Variants in CPNE4 observed in about 807,000 individuals in gnomAD.
CPNE4 encodes the protein copine-4.
A neutral mutation model predicts 67.9 loss-of-function variants in CPNE4; 25 were observed. The observed-to-expected ratio is 0.37, with a 90% CI of 0.27 to 0.51. The LOEUF (loss-of-function observed/expected upper bound fraction) is 0.51, where lower values mean the gene tolerates loss of function less well. Among genes scored for constraint, CPNE4 ranks in the 20% least tolerant of loss-of-function variants. The pLI, the probability that CPNE4 is intolerant of heterozygous loss-of-function variation, is 0.93. For synonymous variants in CPNE4, 242 were observed against 244.9 expected (o/e 0.99, Z 0.11); for missense variants, 464 against 690.8 (o/e 0.67, Z 3.68).
At position 131,604,706 on chromosome 3, in the gene CPNE4, C is replaced by T. The variant is rs150058834; in HGVS notation, c.682-17124G>A. On this transcript the variant is annotated intron_variant, in intron 7 of 15. Coordinates refer to ENST00000429747, the MANE Select transcript of CPNE4 (RefSeq NM_130808.3). The stretch of plus-strand genomic sequence containing the variant: ...GGACTGGCTCTCCTTGCTCCTCAGC[C>T]TGCAGATGGCTGTTGTGGGACCTTG... Among the ~76,000 whole-genome samples the T allele has an allele frequency of 2.6e-5, 4 of 152,182 alleles. No homozygotes were observed. In the South Asian group the frequency reaches 8.3e-4, roughly 32 times the overall value.
intron 2 of CPNE4, among the ~76,000 whole-genome samples, chr3:131,821,798 T>C (rs1197606637): frequency 6.6e-6 from 1 of 152,230 alleles, no homozygotes; most frequent in Non-Finnish European, 1.5e-5. Context: ...TGTAGTCTTA[T>C]GCTGTCCAAA....
chr3:131,637,247 A>C (rs1432685942), intron 7 of CPNE4, among the ~76,000 whole-genome samples: 1 of 152,242 alleles, frequency 6.6e-6, no homozygotes, highest in East Asian at 1.9e-4. Flanking sequence ...CTAATCAAGG[A>C]GGCACCAGAG....
At chr3:131,683,813 T>C (rs189573224) in intron 6 of CPNE4, among the ~76,000 whole-genome samples, 4 of 152,294 alleles carry the variant, frequency 2.6e-5, no homozygotes, top group African/African-American at 7.2e-5. Context: ...GTGGCAAAGA[T>C]TGCCAGAACT....
chr3:131,969,258 C>G (rs553448103), intron 1 of CPNE4, among the ~76,000 whole-genome samples: 4 of 151,678 alleles, frequency 2.6e-5, no homozygotes, highest in African/African-American at 7.3e-5. Context: ...CTAATGCATG[C>G]GGGTCTTAAA....
At chr3:131,718,998 TG>T (rs2081812924) in intron 3 of CPNE4, among the ~76,000 whole-genome samples, 1 of 152,120 alleles carries the variant, frequency 6.6e-6, no homozygotes. Context: ...CCCAAAAGTG[TG>T]GGAAAGGCCA....
chr3:131,895,842 G>C (rs1015808985), intron 2 of CPNE4, among the ~76,000 whole-genome samples: 1 of 152,016 alleles, frequency 6.6e-6, no homozygotes, highest in Non-Finnish European at 1.5e-5. Context: ...AATCAGATTG[G>C]AGAAGCTGAG....
chr3:131,798,635 GAT>G (rs5852648), intron 2 of CPNE4, among the ~76,000 whole-genome samples: 26,868 of 152,012 alleles, frequency 0.18, 2,561 homozygotes, highest in East Asian at 0.33. Flanking sequence ...AGTCTGATAT[GAT>G]AGTTTTTTGT....
chr3:131,754,578 A>T (rs1287259681), intron 2 of CPNE4, among the ~76,000 whole-genome samples: 1 of 152,202 alleles, frequency 6.6e-6, no homozygotes, highest in Admixed American at 6.5e-5. Flanking sequence ...GTTGGAATAG[A>T]TTCTGATTCT....
Position 132,034,819 on chromosome 3 carries a change from G to A in CPNE4, c.-254C>T. Reference sequence around the variant, plus strand: ...ACTCCATTCTCGGTGATGGGGGTGGGGGAAGAGGGTGAAAATGTTGGAGAT... The same window carrying A: ...ACTCCATTCTCGGTGATGGGGGTGGAGGAAGAGGGTGAAAATGTTGGAGAT... On this transcript the variant is annotated 5_prime_UTR_variant, in exon 1 of 16. Transcript: ENST00000429747. 1.0e-6 allele frequency: 1 copy of A among 985,654 alleles called. No individual in the cohort carries two copies. The highest frequency in any genetic ancestry group is 1.2e-6 in the Non-Finnish European group (1 of 830,150). The allele number at this position is 985,654 out of a possible 1,614,324, so 61.1% of individuals were successfully genotyped here.
intron 7 of CPNE4, among the ~76,000 whole-genome samples, chr3:131,664,278 C>A (rs1243096335): frequency 6.6e-6 from 1 of 152,164 alleles, no homozygotes; most frequent in Non-Finnish European, 1.5e-5. Flanking sequence ...TCTAAGAACA[C>A]TCTCTGGAAG....
intron 2 of CPNE4, among the ~76,000 whole-genome samples, chr3:131,855,455 T>C (rs1028359082): frequency 2.6e-5 from 4 of 151,980 alleles, no homozygotes; most frequent in African/African-American, 9.7e-5. Context: ...CAATAATTGT[T>C]CCATCTTTCA....
chr3:131,542,818 TG>T (rs10716194), intron 14 of CPNE4, 25 bp from the exon 15 acceptor site: 1,377,396 of 1,381,994 alleles, frequency 1, 686,411 homozygotes, highest in Middle Eastern at 1. Flanking sequence ...CCCATGATGA[TG>T]GGGGGGGGTG....
intron 2 of CPNE4, among the ~76,000 whole-genome samples, chr3:131,758,640 T>G (rs1583152313): frequency 6.6e-6 from 1 of 152,080 alleles, no homozygotes; most frequent in East Asian, 1.9e-4. Flanking sequence ...AGTGAGGACA[T>G]GAGATTTGGA....
intron 1 of CPNE4, among the ~76,000 whole-genome samples, chr3:131,916,496 T>C (rs2089189959): frequency 1.3e-5 from 2 of 152,230 alleles, no homozygotes; most frequent in African/African-American, 4.8e-5. Flanking sequence ...CTCTGTCTCC[T>C]TTAAGAATTG....
At chr3:131,648,744 T>C (rs1432574284) in intron 7 of CPNE4, among the ~76,000 whole-genome samples, 1 of 152,190 alleles carries the variant, frequency 6.6e-6, no homozygotes, top group East Asian at 1.9e-4. Flanking sequence ...ATTTGTAGAA[T>C]GAATGAGTGA....
At position 131,566,194 on chromosome 3, in the gene CPNE4, AC is replaced by A. The variant is rs145451362; in HGVS notation, c.928-1846del. On this transcript the variant is annotated intron_variant, in intron 10 of 15. Transcript: ENST00000429747. ...GGAGATTTGGCCTGGAGGTAGGGAG[AC>A]TTGCTAGGAGGCAACCATGGCAATT... 7.4e-3 allele frequency among the ~76,000 whole-genome samples: 1,118 copies of A among 152,004 alleles called. 11 individuals are homozygous for A. The highest frequency in any genetic ancestry group is 0.013 in the Non-Finnish European group (887 of 67,882).
intron 10 of CPNE4, among the ~76,000 whole-genome samples, chr3:131,573,437 A>T (rs1444965049): frequency 1.3e-5 from 2 of 152,084 alleles, no homozygotes; most frequent in Non-Finnish European, 2.9e-5. Flanking sequence ...GAAAGTCAGG[A>T]TGTGGAGCTG....
chr3:132,015,416 A>G (rs1398233853), intron 1 of CPNE4, among the ~76,000 whole-genome samples: 2 of 152,130 alleles, frequency 1.3e-5, no homozygotes, highest in Admixed American at 6.5e-5. Flanking sequence ...GTTTCACCTG[A>G]TAAAAGAAGG....
At chr3:131,714,556 T>C (rs909141093) in intron 3 of CPNE4, among the ~76,000 whole-genome samples, 5 of 152,216 alleles carry the variant, frequency 3.3e-5, no homozygotes, top group African/African-American at 1.2e-4. Context: ...GGTTCCTTTC[T>C]TGATTGAAAC....
Sources: gnomAD v4.1 joint callset for allele counts (sites outside exome capture counted in the v4.1 genomes callset) on GRCh38, gnomAD v4.1.1 for gene constraint, MANE v1.5 for transcripts, NCBI Gene and HGNC (gene_info 2026-07-23, HGNC 2026-07-21) for gene names.